Variants in ASPH observed in about 807,000 individuals in gnomAD.
ASPH encodes aspartyl/asparaginyl beta-hydroxylase.
In ASPH, 100 loss-of-function variants were observed where a neutral mutation model predicts 118.4. The ratio of observed to expected loss-of-function variants is 0.84; its 90% CI spans 0.72 to 1.00. The LOEUF is 1.00. Ranked by LOEUF, ASPH falls within the 50% of genes least tolerant of loss-of-function variation. ASPH has a pLI of 0.00. For missense variants in ASPH, 920 were observed against 919.5 expected, an observed-to-expected ratio of 1.00 and a Z score of -0.01; for synonymous variants, 315 against 325.6, an observed-to-expected ratio of 0.97 and a Z score of 0.35.
chr8:61,555,914 T>G lies in ASPH; in HGVS notation c.1536+10A>C. 1 of 1,609,140 alleles carries G rather than the reference T, an allele frequency of 6.2e-7. No individual in the cohort carries two copies. The highest frequency in any genetic ancestry group is 1.7e-5 in the Admixed American group (1 of 59,946). On this transcript the variant is annotated intron_variant, in intron 19 of 24. Coordinates refer to ENST00000379454, the MANE Select transcript of ASPH (RefSeq NM_004318.4). ...AAAGATGAAAGGAGAGGAGAAGCAG[T>G]GAGCATTACCTTTAAATATGGGATG...
intron 13 of ASPH, among the ~76,000 whole-genome samples, chr8:61,627,178 T>G (rs1418674735): frequency 6.6e-6 from 1 of 152,214 alleles, no homozygotes; most frequent in Admixed American, 6.5e-5. Context: ...CATAGCAGCT[T>G]TCTTCATAGT....
At position 61,582,877 on chromosome 8, in the gene ASPH, ACAAATTTCCG is replaced by A. The variant is rs1838022843; in HGVS notation, c.1062+1057_1062+1066del. 2.6e-5 allele frequency: 4 copies of A among 152,222 alleles called. No individual in the cohort carries two copies. The South Asian group carries it at 6.2e-4, about 24-fold the overall frequency. The allele number at this position is 152,222 out of a possible 1,614,324, so 9.4% of individuals were successfully genotyped here. ...CTACATTCAAGTGCAGAGTAGAGAAACAAATTTCCGCCAAAAACAAGGAGATGATTAATTG... is the reference window on the plus strand; with the variant it reads ...CTACATTCAAGTGCAGAGTAGAGAAACCAAAAACAAGGAGATGATTAATTG... On this transcript the variant is annotated intron_variant, in intron 15 of 24. Transcript: ENST00000379454.
At chr8:61,547,101 G>A (rs4737588) in intron 21 of ASPH, among the ~76,000 whole-genome samples, 137,694 of 152,234 alleles carry the variant, frequency 0.9, 62,803 homozygotes, top group East Asian at 1. Flanking sequence ...AACATGATTG[G>A]AACTATGAGT....
intron 14 of ASPH, among the ~76,000 whole-genome samples, chr8:61,615,121 C>A (rs573783794): frequency 5.3e-4 from 81 of 152,124 alleles, no homozygotes; most frequent in Non-Finnish European, 9.7e-4. Context: ...TGATTTGAAC[C>A]CTTGACCACT....
intron 14 of ASPH, among the ~76,000 whole-genome samples, chr8:61,589,408 C>G (rs1459581647): frequency 6.6e-6 from 1 of 152,152 alleles, no homozygotes; most frequent in Non-Finnish European, 1.5e-5. Flanking sequence ...TAGTTTGAAA[C>G]TCTCCAAAAA....
chr8:61,503,300 G>A lies in ASPH; in HGVS notation c.*59C>T, dbSNP rs1805243882. 1 of 1,543,276 alleles carries A rather than the reference G, an allele frequency of 6.5e-7. No individual in the cohort carries two copies. The highest frequency in any genetic ancestry group is 8.8e-7 in the Non-Finnish European group (1 of 1,139,684). On this transcript the variant is annotated 3_prime_UTR_variant, in exon 25 of 25. Coordinates refer to ENST00000379454, the MANE Select transcript of ASPH (RefSeq NM_004318.4). ...TCGAAATTCTATCCTCACACCCAAG[G>A]AGATGGAACCAGAAAGGCAGCCTCT...
chr8:61,528,055 T>C (rs949088444), intron 21 of ASPH, among the ~76,000 whole-genome samples: 3 of 151,500 alleles, frequency 2.0e-5, no homozygotes, highest in Non-Finnish European at 4.4e-5. Flanking sequence ...ACTGGGGGCA[T>C]AGTTTGACCA....
chr8:61,632,604 T>C, intron 13 of ASPH: 1 of 470,408 alleles, frequency 2.1e-6, no homozygotes, highest in Non-Finnish European at 4.2e-6. Flanking sequence ...AATTTCTCCA[T>C]GGACTGCTTT....
intron 2 of ASPH, among the ~76,000 whole-genome samples, chr8:61,682,864 C>A (rs1828810195): frequency 6.6e-6 from 1 of 152,082 alleles, no homozygotes; most frequent in Non-Finnish European, 1.5e-5. Flanking sequence ...TACATAGACA[C>A]AAGTGTGCAT....
chr8:61,613,216 C>T lies in ASPH; in HGVS notation c.976+5762G>A, dbSNP rs537245849. ...AGTAGACTTTGAGTAAAGCAGATTACTCTCCATAATATGAGTAGTCCTGAT... is the reference window on the plus strand; with the variant it reads ...AGTAGACTTTGAGTAAAGCAGATTATTCTCCATAATATGAGTAGTCCTGAT... On this transcript the variant is annotated intron_variant, in intron 14 of 24. Coordinates refer to ENST00000379454, the MANE Select transcript of ASPH (RefSeq NM_004318.4). Among the ~76,000 whole-genome samples the T allele has an allele frequency of 3.0e-4, 46 of 152,254 alleles. No homozygotes were observed. The South Asian group carries it at 9.5e-3, about 32-fold the overall frequency.
intron 9 of ASPH, 91 bp from the exon 10 acceptor site, chr8:61,643,011 A>C: frequency 8.6e-7 from 1 of 1,161,988 alleles, no homozygotes; most frequent in South Asian, 1.6e-5. Context: ...ACTTAATCGT[A>C]AACACAGAAC....
At chr8:61,559,369 T>A (rs1023658391) in intron 18 of ASPH, among the ~76,000 whole-genome samples, 1 of 152,164 alleles carries the variant, frequency 6.6e-6, no homozygotes, top group African/African-American at 2.4e-5. Flanking sequence ...TGCACATGGA[T>A]TTTCAACTGC....
At chr8:61,596,007 C>T (rs572255078) in intron 14 of ASPH, among the ~76,000 whole-genome samples, 2 of 152,176 alleles carry the variant, frequency 1.3e-5, no homozygotes, top group African/African-American at 4.8e-5. Context: ...TAAGGATTGC[C>T]CCGTGCCCCA....
intron 1 of ASPH, chr8:61,689,630 GCTAGAT>G: frequency 6.5e-7 from 1 of 1,536,628 alleles, no homozygotes; most frequent in Non-Finnish European, 8.9e-7. Context: ...AAAGCTGTCA[GCTAGAT>G]CTAAAGCCAC....
chr8:61,569,057 A>G (rs1365564798), intron 16 of ASPH, among the ~76,000 whole-genome samples: 1 of 152,244 alleles, frequency 6.6e-6, no homozygotes, highest in Admixed American at 6.5e-5. Flanking sequence ...AGAGAGGAAC[A>G]GGGACCAGAA....
At position 61,687,268 on chromosome 8, in the gene ASPH, T is replaced by A. The variant is rs977482510; in HGVS notation, c.104-3080A>T. On this transcript the variant is annotated intron_variant, in intron 1 of 24. Coordinates refer to ENST00000379454, the MANE Select transcript of ASPH (RefSeq NM_004318.4). ...CCAAGTTAACTCAGTGATACTCATT[T>A]AAGTTATTGACTGTAACACTAAATA... 10 of 152,214 alleles carry A rather than the reference T, an allele frequency of 6.6e-5. No homozygotes were observed. In the East Asian group the frequency reaches 1.9e-3, roughly 29 times the overall value. The allele number at this position is 152,214 out of a possible 1,614,324, so 9.4% of individuals were successfully genotyped here.
chr8:61,515,579 C>G (rs1024806210), intron 24 of ASPH, among the ~76,000 whole-genome samples: 2 of 152,192 alleles, frequency 1.3e-5, no homozygotes, highest in African/African-American at 4.8e-5. Context: ...AAATCTTTAT[C>G]TCTAGACTTA....
intron 12 of ASPH, 79 bp downstream of exon 12, chr8:61,637,868 G>A: frequency 7.2e-7 from 1 of 1,379,364 alleles, no homozygotes. Flanking sequence ...CAGCAAGTAG[G>A]AAATGTTCGA....
intron 22 of ASPH, among the ~76,000 whole-genome samples, chr8:61,523,387 C>A (rs990039852): frequency 6.7e-6 from 1 of 148,328 alleles, no homozygotes; most frequent in East Asian, 2.0e-4. Flanking sequence ...ATGATCTCGG[C>A]TCACTGCAAT....
Sources: allele counts gnomAD v4.1 joint callset (sites outside exome capture counted in the v4.1 genomes callset), GRCh38; gene constraint gnomAD v4.1.1; transcripts MANE v1.5; gene names NCBI Gene and HGNC (gene_info 2026-07-23, HGNC 2026-07-21).